The following SNRNP35 variants were observed in gnomAD, a reference collection of about 807,000 sequenced individuals.
The protein encoded by SNRNP35 is U11/U12 small nuclear ribonucleoprotein 35 kDa protein.
In SNRNP35, 16 loss-of-function variants were observed where a neutral mutation model predicts 24.3. The observed-to-expected ratio is 0.66, with a 90% CI of 0.45 to 1.00. SNRNP35 has a LOEUF of 1.00. Ranked by LOEUF, SNRNP35 falls within the 50% of genes least tolerant of loss-of-function variation. SNRNP35 has a pLI of 0.00. For synonymous variants in SNRNP35, 106 were observed against 124.8 expected (o/e 0.85, Z 1.00); for missense variants, 292 against 327.2 (o/e 0.89, Z 0.83).
In SNRNP35 at chr12:123,458,159, G is replaced by T. The variant is rs1277068112; in HGVS notation, c.-61G>T. 4.1e-6 allele frequency: 4 copies of T among 985,324 alleles called. No homozygotes were observed. The African/African-American group carries it at 7.0e-5, about 17-fold the overall frequency. 61.0% of individuals were successfully genotyped at this position (985,324 alleles called of 1,614,324 possible). A position where few individuals can be genotyped will look rare whatever the true frequency, so the allele number is the denominator to read the frequency against. ...AGGCCGAGGCCGGCGCGGAGAATCTGCTGTCGCCTGCAGCTGCTCGCCTGT... is the reference window on the plus strand; with the variant it reads ...AGGCCGAGGCCGGCGCGGAGAATCTTCTGTCGCCTGCAGCTGCTCGCCTGT... On this transcript the variant is annotated 5_prime_UTR_variant, in exon 1 of 2. Coordinates refer to ENST00000526639, the MANE Select transcript of SNRNP35 (RefSeq NM_022717.4).
exon 2 of SNRNP35, chr12:123,472,657 T>G (rs753733685): frequency 2.3e-5 from 37 of 1,599,076 alleles, no homozygotes; most frequent in Non-Finnish European, 3.0e-5. Flanking sequence ...GCCAGGCGCT[T>G]CTTATCTCGG....
At chr12:123,472,808 G>A in exon 2 of SNRNP35, 1 of 1,026,590 alleles carries the variant, frequency 9.7e-7, no homozygotes, top group Non-Finnish European at 1.4e-6. Context: ...AGGTGTGAAA[G>A]ACAAAGTTGG....
intron 1 of SNRNP35, among the ~76,000 whole-genome samples, chr12:123,462,538 G>A (rs985072935): frequency 3.0e-4 from 43 of 144,740 alleles, no homozygotes; most frequent in South Asian, 2.2e-4. Flanking sequence ...ATGGAGTCTC[G>A]CTCTGTTGCC....
chr12:123,460,850 G>A lies in SNRNP35; in HGVS notation c.-4+2634G>A, dbSNP rs182641654. Among the ~76,000 whole-genome samples the A allele has an allele frequency of 2.0e-5, 3 of 151,560 alleles. No homozygotes were observed. The East Asian group carries it at 5.8e-4, about 29-fold the overall frequency. ...ATTTTGTATTTTCAATAGAGACGGG[G>A]TTACTCCATGTTGGTCAGGCTAGTC... is the stretch of plus-strand genomic sequence containing the variant. On this transcript the variant is annotated intron_variant, in intron 1 of 1. Coordinates refer to ENST00000526639, the MANE Select transcript of SNRNP35 (RefSeq NM_022717.4).
intron 1 of SNRNP35, chr12:123,464,302 C>T (rs61953524): frequency 0.017 from 2,484 of 145,166 alleles, 27 homozygotes; most frequent in Middle Eastern, 0.036. Context: ...TGCAGTGGCG[C>T]GAACTCTGCT....
chr12:123,464,513 A>AT (rs1880835011), intron 1 of SNRNP35: 2 of 152,356 alleles, frequency 1.3e-5, no homozygotes, highest in South Asian at 4.1e-4. Flanking sequence ...AAGTGCTGGG[A>AT]TTACAGGCGT....
At chr12:123,468,614 C>T (rs993728092), downstream of SNRNP35, among the ~76,000 whole-genome samples, 2 of 151,974 alleles carry the variant, frequency 1.3e-5, no homozygotes, top group African/African-American at 2.4e-5. Flanking sequence ...TGCTCGAGCC[C>T]GGGAAGCAGA....
Position 123,465,863 on chromosome 12 carries a change from C to G in SNRNP35, c.323C>G (p.Ala108Gly). ...EYKEERAVIKAYRDADGLVID... is the reference protein window; with the variant it reads ...EYKEERAVIKGYRDADGLVID... ...AAGGAGGAGCGTGCCGTGATCAAAG[C>G]TTACCGAGATGCTGATGGCCTGGTT... The change falls in exon 2 of 2, where the codon GCT becomes GGT. Residue 108 changes from alanine (A) to glycine (G), a missense_variant. Physicochemically the swap from Ala to Gly is moderately conservative, Grantham distance 60. Transcript: ENST00000526639. The surrounding 1 kb of genome is among the most constrained non-coding windows in gnomAD (Gnocchi z 4.2). The G allele has an allele frequency of 6.2e-7, 1 of 1,613,946 alleles. No individual in the cohort carries two copies.
rs923074789 is a variant in SNRNP35, at chr12:123,464,095, C to G, written c.-3-1443C>G. 3.3e-5 allele frequency among the ~76,000 whole-genome samples: 5 copies of G among 151,022 alleles called. No individual in the cohort carries two copies. The East Asian group carries it at 9.8e-4, about 30-fold the overall frequency. The stretch of plus-strand genomic sequence containing the variant: ...ATTACAGGCGCCTACAACCACGCCC[C>G]GCTAATTTTGTATTTTTAGTTGAGA... On this transcript the variant is annotated intron_variant, in intron 1 of 1. Transcript: ENST00000526639.
chr12:123,472,364 G>T, exon 2 of SNRNP35: 1 of 631,706 alleles, frequency 1.6e-6, no homozygotes, highest in Non-Finnish European at 2.7e-6. Context: ...TTTCTTTAGA[G>T]TTTGGCGTCA....
exon 2 of SNRNP35, chr12:123,472,589 G>A (rs936020813): frequency 7.0e-6 from 11 of 1,563,084 alleles, no homozygotes; most frequent in Non-Finnish European, 8.7e-6. Context: ...CGTCATCGCG[G>A]TGGGTGTTTG....
rs540239856 is a variant in SNRNP35 at position 123,465,314 on chromosome 12, C to G, written c.-3-224C>G. On this transcript the variant is annotated intron_variant, in intron 1 of 1. Transcript: ENST00000526639. The surrounding 1 kb of genome is among the most constrained non-coding windows in gnomAD (Gnocchi z 4.2). ...CGCTGCCCTCTGCTTCCTGAGAGGG[C>G]ATTTGTAGGAGTGGGTAAGGGCTTC... Among the ~76,000 whole-genome samples the G allele has an allele frequency of 5.3e-5, 8 of 152,228 alleles. No individual in the cohort carries two copies. In the East Asian group the frequency reaches 1.5e-3, roughly 29 times the overall value.
At chr12:123,463,002 T>C (rs930717701) in intron 1 of SNRNP35, among the ~76,000 whole-genome samples, 12 of 152,146 alleles carry the variant, frequency 7.9e-5, no homozygotes, top group Admixed American at 6.6e-4. Context: ...AGAAATATTA[T>C]GGAAAAATGC....
At chr12:123,468,414 G>T (rs138697882), downstream of SNRNP35, among the ~76,000 whole-genome samples, 5 of 149,670 alleles carry the variant, frequency 3.3e-5, no homozygotes, top group African/African-American at 2.5e-5. Context: ...GAGGCTGGGC[G>T]TGATGGCTCA....
chr12:123,458,500 CTT>C (rs1247246062), intron 1 of SNRNP35, among the ~76,000 whole-genome samples: 2 of 151,868 alleles, frequency 1.3e-5, no homozygotes. Context: ...TCCACAGAAA[CTT>C]AGGTGTTTGC....
rs967394822 is a variant in SNRNP35, at chr12:123,459,787, G to C, written c.-4+1571G>C. ...GGGTGACAGAGTGAGACTTTGTCTCGAGTAAAAAAAGAGAATGTAAAAATC... is the reference window on the plus strand; with the variant it reads ...GGGTGACAGAGTGAGACTTTGTCTCCAGTAAAAAAAGAGAATGTAAAAATC... On this transcript the variant is annotated intron_variant, in intron 1 of 1. Coordinates refer to ENST00000526639, the MANE Select transcript of SNRNP35 (RefSeq NM_022717.4). 9 of 1,516,648 alleles carry C rather than the reference G, an allele frequency of 5.9e-6. No homozygotes were observed. The African/African-American group carries it at 8.3e-5, about 14-fold the overall frequency. The allele number at this position is 1,516,648 out of a possible 1,614,324, so 93.9% of individuals were successfully genotyped here. A position where few individuals can be genotyped will look rare whatever the true frequency, so the allele number is the denominator to read the frequency against.
chr12:123,462,863 GA>G (rs1419218351), intron 1 of SNRNP35, among the ~76,000 whole-genome samples: 2 of 151,836 alleles, frequency 1.3e-5, no homozygotes, highest in Non-Finnish European at 2.9e-5. Flanking sequence ...TTTTACTGAG[GA>G]AAGAAAAATT....
chr12:123,467,870 T>C (rs1057255014), downstream of SNRNP35, among the ~76,000 whole-genome samples: 2 of 152,184 alleles, frequency 1.3e-5, no homozygotes, highest in Non-Finnish European at 2.9e-5. Flanking sequence ...TTGATTTCAC[T>C]CACATTTAAT....
At chr12:123,463,406 C>T (rs1445166331) in intron 1 of SNRNP35, among the ~76,000 whole-genome samples, 1 of 151,336 alleles carries the variant, frequency 6.6e-6, no homozygotes, top group African/African-American at 2.4e-5. Context: ...GAGACAGACT[C>T]TCGCTCTGTC....
Sources: gnomAD v4.1 joint callset for allele counts (sites outside exome capture counted in the v4.1 genomes callset) on GRCh38, gnomAD v4.1.1 for gene constraint, Gnocchi (gnomAD v3.1) non-coding constraint, MANE v1.5 for transcripts, NCBI Gene and HGNC (gene_info 2026-07-23, HGNC 2026-07-21) for gene names.